Variants in CDH23 observed in about 807,000 individuals in gnomAD.
CDH23 encodes cadherin related 23, also known as cadherin-23.
Under a neutral mutation model 317.1 loss-of-function variants are expected in CDH23, and 189 were observed. That is an observed-to-expected ratio of 0.60 (90% confidence interval 0.53 to 0.67). CDH23 has a LOEUF of 0.67. Among genes scored for constraint, CDH23 ranks in the 30% least tolerant of loss-of-function variants. The probability of loss-of-function intolerance (pLI) is 0.00; values close to 1 mark genes in which losing one functional copy is unlikely to be tolerated. For missense variants in CDH23, 4,401 were observed against 4,592.4 expected, an observed-to-expected ratio of 0.96 and a Z score of 1.20; for synonymous variants, 1,839 against 1,876.8, an observed-to-expected ratio of 0.98 and a Z score of 0.52.
intron 18 of CDH23, among the ~76,000 whole-genome samples, chr10:71,684,751 G>A (rs1564731247): frequency 6.6e-6 from 1 of 152,238 alleles, no homozygotes; most frequent in Non-Finnish European, 1.5e-5. Flanking sequence ...CCATGAGTGG[G>A]CTGAGGCAGA....
intron 9 of CDH23, among the ~76,000 whole-genome samples, chr10:71,614,561 G>A (rs1861080805): frequency 6.6e-6 from 1 of 152,214 alleles, no homozygotes; most frequent in Non-Finnish European, 1.5e-5. Flanking sequence ...TCTTCAGAGG[G>A]CCGGGAAGGG....
rs1230947269 is a variant in CDH23, at chr10:71,807,606, C to T, written c.8399C>T (p.Ser2800Phe). 1 of 1,613,986 alleles carries T rather than the reference C, an allele frequency of 6.2e-7. No individual in the cohort carries two copies. The highest frequency in any genetic ancestry group is 2.2e-5 in the East Asian group (1 of 44,882). Residue 2800 changes from serine to phenylalanine, a missense_variant, in exon 59 of 70, where the codon TCC (serine) becomes TTC (phenylalanine). By Grantham distance (155) the Ser-to-Phe change is radical. Transcript: ENST00000224721. ...GACCGGGAGCGAGAAGCCATCTTCT[C>T]CTTCATCGTCAAGGCCTCCAGCAAT... ...DLDREREAIFSFIVKASSNRS... is the reference protein window; with the variant it reads ...DLDREREAIFFFIVKASSNRS...
chr10:71,635,532 G>C (rs977002688), intron 11 of CDH23, among the ~76,000 whole-genome samples: 1 of 152,126 alleles, frequency 6.6e-6, no homozygotes, highest in African/African-American at 2.4e-5. Context: ...GCCTCGGATT[G>C]ATCCCGTCTG....
intron 28 of CDH23, chr10:71,715,953 C>A (rs1866200543): frequency 1.4e-6 from 2 of 1,474,018 alleles, no homozygotes; most frequent in African/African-American, 1.4e-5. Flanking sequence ...TTGGTAGATT[C>A]CATGTAGTCA....
At chr10:71,451,576 C>T (rs1259090758) in intron 3 of CDH23, among the ~76,000 whole-genome samples, 6 of 152,214 alleles carry the variant, frequency 3.9e-5, no homozygotes, top group South Asian at 2.1e-4. Flanking sequence ...TATGAACCTG[C>T]GCTTACCAGG....
At chr10:71,653,928 G>C (rs10823812) in intron 14 of CDH23, among the ~76,000 whole-genome samples, 2,833 of 152,252 alleles carry the variant, frequency 0.019, 186 homozygotes, top group East Asian at 0.16. Context: ...AGAGAGCATT[G>C]GTATTTAAGC....
chr10:71,566,850 A>G lies in CDH23; in HGVS notation c.538A>G (p.Ile180Val). 6.2e-7 allele frequency: 1 copy of G among 1,613,928 alleles called. No homozygotes were observed. Among genetic ancestry groups the G allele is most frequent in the Non-Finnish European group, 8.5e-7 (1 of 1,179,868 alleles). Residue 180 changes from isoleucine (I) to valine (V), a missense_variant, in exon 7 of 70, where the codon ATT becomes GTT. Ile to Val is a conservative substitution (Grantham distance 29). Coordinates refer to ENST00000224721, the MANE Select transcript of CDH23 (RefSeq NM_022124.6). ...SFQPPSQFFA[I>V]DSARGIVTVI... is the part of the protein sequence containing the mutation. ...CCAGCCCCCCTCCCAATTCTTCGCC[A>G]TTGACAGCGCCCGCGGTATCGTCAC...
At chr10:71,591,575 C>G (rs957527741) in intron 9 of CDH23, among the ~76,000 whole-genome samples, 1 of 151,946 alleles carries the variant, frequency 6.6e-6, no homozygotes, top group African/African-American at 2.4e-5. Flanking sequence ...TGTGTGATAC[C>G]CTTAAAGAGT....
At chr10:71,734,441 G>C in intron 33 of CDH23, 100 bp downstream of exon 33, 1 of 1,480,284 alleles carries the variant, frequency 6.8e-7, no homozygotes, top group Non-Finnish European at 9.2e-7. Flanking sequence ...TATGGGCCAG[G>C]CAGCGGGCGA....
intron 20 of CDH23, 67 bp from the exon 21 acceptor site, chr10:71,694,080 T>C: frequency 1.6e-6 from 2 of 1,222,840 alleles, no homozygotes; most frequent in Non-Finnish European, 2.4e-6. Flanking sequence ...TCGCTCTCTC[T>C]CTTCTTCCCT....
At chr10:71,410,891 C>T (rs183417677) in intron 1 of CDH23, among the ~76,000 whole-genome samples, 126 of 152,214 alleles carry the variant, frequency 8.3e-4, no homozygotes, top group African/African-American at 2.5e-3. Flanking sequence ...GTTGGACTGG[C>T]GGGTTGCTTT....
At chr10:71,786,057 A>G (rs1204352802) in intron 44 of CDH23, among the ~76,000 whole-genome samples, 3 of 152,206 alleles carry the variant, frequency 2.0e-5, no homozygotes, top group African/African-American at 7.2e-5. Flanking sequence ...AACATCAACT[A>G]TCATTGTTTC....
intron 20 of CDH23, among the ~76,000 whole-genome samples, chr10:71,690,893 A>C (rs1865162653): frequency 6.6e-6 from 1 of 152,178 alleles, no homozygotes; most frequent in Non-Finnish European, 1.5e-5. Flanking sequence ...CCTTTATTAA[A>C]GCCTCAGGGT....
intron 24 of CDH23, 91 bp downstream of exon 24, chr10:71,702,785 G>A: frequency 6.9e-7 from 1 of 1,448,848 alleles, no homozygotes; most frequent in Non-Finnish European, 9.6e-7. Flanking sequence ...TGCAGGGCTG[G>A]GGCAGGGGAG....
At chr10:71,609,951 CGTGTGTGTGTGT>C (rs34311857) in intron 9 of CDH23, among the ~76,000 whole-genome samples, 358 of 142,866 alleles carry the variant, frequency 2.5e-3, no homozygotes, top group African/African-American at 5.7e-3. Context: ...AGGACTCCCC[CGTGTGTGTGTGT>C]GTGTGTGTGT....
chr10:71,805,710 C>G, intron 55 of CDH23, 96 bp from the exon 56 acceptor site: 1 of 1,273,962 alleles, frequency 7.8e-7, no homozygotes. Flanking sequence ...TGAGGACATT[C>G]TGCTACGGCA....
chr10:71,661,065 A>G (rs971916886), intron 14 of CDH23, among the ~76,000 whole-genome samples: 1 of 152,160 alleles, frequency 6.6e-6, no homozygotes, highest in African/African-American at 2.4e-5. Context: ...CCACACTCCC[A>G]TGAAAGGGGC....
At position 71,616,189 on chromosome 10, in the gene CDH23, C is replaced by T. The variant is rs114913936; in HGVS notation, c.945+573C>T. ...TTGCAGAGCCATTCCCTGAGAAACC[C>T]GTTTAGGGGTATGGATCCTGTCTGA... On this transcript the variant is annotated intron_variant, in intron 10 of 69. Transcript: ENST00000224721. 2.8e-3 allele frequency among the ~76,000 whole-genome samples: 432 copies of T among 152,358 alleles called. 1 individual carries two copies. The highest frequency in any genetic ancestry group is 9.9e-3 in the African/African-American group (411 of 41,586).
At chr10:71,694,930 T>C (rs1378098507) in intron 21 of CDH23, among the ~76,000 whole-genome samples, 1 of 152,194 alleles carries the variant, frequency 6.6e-6, no homozygotes, top group Non-Finnish European at 1.5e-5. Flanking sequence ...GGAGACGGTA[T>C]CGCGTGGCCA....
Sources: gnomAD v4.1 joint callset for allele counts (sites outside exome capture counted in the v4.1 genomes callset) on GRCh38, gnomAD v4.1.1 for gene constraint, MANE v1.5 for transcripts, NCBI Gene and HGNC (gene_info 2026-07-23, HGNC 2026-07-21) for gene names.